Variants in PACSIN2 observed in about 807,000 individuals in gnomAD.
PACSIN2 encodes the protein protein kinase C and casein kinase substrate in neurons 2.
PACSIN2 carries 25 observed loss-of-function variants against 63.8 expected under a neutral mutation model. That is an observed-to-expected ratio of 0.39 (90% CI 0.29 to 0.55). The LOEUF (loss-of-function observed/expected upper bound fraction) is 0.55. PACSIN2 is among the 20% of genes least tolerant of loss of function. The probability of loss-of-function intolerance (pLI) is 0.62; values close to 1 mark genes in which losing one functional copy is unlikely to be tolerated. For synonymous variants in PACSIN2, 255 were observed against 256.2 expected (o/e 1.00, Z 0.05); for missense variants, 518 against 646.9 (o/e 0.80, Z 2.16).
chr22:43,010,774 C>T lies in PACSIN2; in HGVS notation c.-78+4247G>A, dbSNP rs142466719. On this transcript the variant is annotated intron_variant, in intron 1 of 10. Coordinates refer to ENST00000263246, the MANE Select transcript of PACSIN2 (RefSeq NM_001184970.3). Reference sequence around the variant, plus strand: ...AGAAAAAAGACCTTATTCTAGGAAACAAGAAAGACTCTATGGTGCTTTAAG... The same window carrying T: ...AGAAAAAAGACCTTATTCTAGGAAATAAGAAAGACTCTATGGTGCTTTAAG... Among the ~76,000 whole-genome samples, 40 of 152,266 alleles carry T rather than the reference C, an allele frequency of 2.6e-4. No individual in the cohort carries two copies. The South Asian group carries it at 3.7e-3, about 14-fold the overall frequency.
At position 42,888,806 on chromosome 22, in the gene PACSIN2, GA is replaced by G; in HGVS notation, c.454-9del. On this transcript the variant is annotated splice_polypyrimidine_tract_variant and intron_variant, in intron 4 of 10. Transcript: ENST00000263246. ...TTTCTTTGCTGCTTCTACCTACAGG[GA>G]GAATGAGTTCCTGAATGCCATGTCA... 6.2e-7 allele frequency: 1 copy of G among 1,613,938 alleles called. No individual in the cohort carries two copies. Among genetic ancestry groups the G allele is most frequent in the Non-Finnish European group, 8.5e-7 (1 of 1,179,840 alleles).
chr22:42,982,014 C>A (rs1222861250), intron 1 of PACSIN2, among the ~76,000 whole-genome samples: 1 of 114,420 alleles, frequency 8.7e-6, no homozygotes, highest in Non-Finnish European at 1.9e-5. Context: ...GGTCAGCCCC[C>A]CTTCCGGCCG....
rs1928069388 is a variant in PACSIN2 at position 42,871,045 on chromosome 22, C to T, written c.*312G>A. The T allele has an allele frequency of 2.6e-6, 1 of 377,374 alleles. No homozygotes were observed. The allele number at this position is 377,374 out of a possible 1,614,324, so 23.4% of individuals were successfully genotyped here. On this transcript the variant is annotated 3_prime_UTR_variant, in exon 11 of 11. Transcript: ENST00000263246. The surrounding 1 kb of genome is among the most constrained non-coding windows in gnomAD (Gnocchi z 5.4). ...TCAGTGGAACAAGATCAGTGTAACC[C>T]ACCATTGACTCGGAAAGGAGAGACA...
intron 1 of PACSIN2, among the ~76,000 whole-genome samples, chr22:42,990,539 C>T (rs1922972257): frequency 6.6e-6 from 1 of 152,058 alleles, no homozygotes; most frequent in African/African-American, 2.4e-5. Context: ...GGCAAAACAC[C>T]TGGAGGGAGG....
chr22:42,950,737 T>A (rs1933653805), intron 1 of PACSIN2, among the ~76,000 whole-genome samples: 1 of 152,160 alleles, frequency 6.6e-6, no homozygotes, highest in South Asian at 2.1e-4. Flanking sequence ...AGAAAAAAAG[T>A]CCAGATGGCT....
intron 1 of PACSIN2, among the ~76,000 whole-genome samples, chr22:42,944,125 C>T (rs961337261): frequency 7.5e-4 from 114 of 152,334 alleles, no homozygotes; most frequent in African/African-American, 2.5e-3. Flanking sequence ...CTCCTGTCTA[C>T]TGTGTTGTCC....
chr22:42,919,758 G>C (rs958256257), intron 1 of PACSIN2, among the ~76,000 whole-genome samples: 7 of 100,940 alleles, frequency 6.9e-5, no homozygotes, highest in Non-Finnish European at 9.0e-5. Flanking sequence ...GGGTGACAGA[G>C]CAAGAACCTG....
chr22:42,923,915 G>A (rs547379146), intron 1 of PACSIN2, among the ~76,000 whole-genome samples: 36 of 152,162 alleles, frequency 2.4e-4, no homozygotes, highest in Admixed American at 6.5e-4. Flanking sequence ...GGTAGTGCAC[G>A]CCTGTACTCC....
At chr22:42,987,972 C>T (rs1284997866) in intron 1 of PACSIN2, among the ~76,000 whole-genome samples, 1 of 151,976 alleles carries the variant, frequency 6.6e-6, no homozygotes, top group East Asian at 2.0e-4. Context: ...GAAACCCCGT[C>T]TCTACTAAAG....
intron 2 of PACSIN2, among the ~76,000 whole-genome samples, chr22:42,910,048 G>A (rs921611706): frequency 4.6e-5 from 7 of 152,186 alleles, no homozygotes; most frequent in African/African-American, 1.7e-4. Context: ...CTTATAGATT[G>A]GGAAATGAAG....
intron 1 of PACSIN2, among the ~76,000 whole-genome samples, chr22:42,964,516 A>T (rs922858592): frequency 3.3e-5 from 5 of 152,114 alleles, no homozygotes; most frequent in African/African-American, 1.2e-4. Context: ...CGCTCGCCTC[A>T]GTCTTTCCCT....
chr22:43,006,800 A>AGTTT (rs1924120877), intron 1 of PACSIN2, among the ~76,000 whole-genome samples: 1 of 152,124 alleles, frequency 6.6e-6, no homozygotes. Context: ...GGGCGACAAG[A>AGTTT]GCAAAATTCC....
chr22:42,896,695 T>C (rs1279037386), intron 2 of PACSIN2, among the ~76,000 whole-genome samples: 1 of 152,238 alleles, frequency 6.6e-6, no homozygotes, highest in African/African-American at 2.4e-5. Flanking sequence ...GCCGAACTGC[T>C]ACCCAAAGTG....
chr22:42,878,565 G>A (rs1210802599), intron 8 of PACSIN2, among the ~76,000 whole-genome samples: 1 of 152,212 alleles, frequency 6.6e-6, no homozygotes, highest in African/African-American at 2.4e-5. Flanking sequence ...TCCTAGTGAA[G>A]AGGTAATTTG....
chr22:42,891,537 A>C (rs1033298155), intron 3 of PACSIN2, among the ~76,000 whole-genome samples: 2 of 152,046 alleles, frequency 1.3e-5, no homozygotes, highest in East Asian at 3.9e-4. Context: ...AGTAGCTGGG[A>C]TTACAGGTGC....
chr22:42,970,908 G>A (rs544047091), intron 1 of PACSIN2, among the ~76,000 whole-genome samples: 6 of 152,210 alleles, frequency 3.9e-5, no homozygotes, highest in South Asian at 4.1e-4. Flanking sequence ...ACAGCTGTGC[G>A]GTCAGACAGC....
At chr22:42,947,860 GAGA>G (rs1933500053) in intron 1 of PACSIN2, among the ~76,000 whole-genome samples, 2 of 152,232 alleles carry the variant, frequency 1.3e-5, no homozygotes, top group Admixed American at 6.5e-5. Flanking sequence ...ATTGGCCAGG[GAGA>G]AGGTGACTGG....
intron 1 of PACSIN2, among the ~76,000 whole-genome samples, chr22:42,913,591 T>C (rs1175743812): frequency 6.6e-6 from 1 of 151,884 alleles, no homozygotes; most frequent in Non-Finnish European, 1.5e-5. Context: ...CCTTAGTAAG[T>C]GCTACGAACT....
At chr22:42,935,450 T>C (rs542410421) in intron 1 of PACSIN2, among the ~76,000 whole-genome samples, 1 of 152,260 alleles carries the variant, frequency 6.6e-6, no homozygotes, top group East Asian at 1.9e-4. Flanking sequence ...ACTCATGGTC[T>C]TGTCTAGGGT....
Sources: gnomAD v4.1 joint callset for allele counts (sites outside exome capture counted in the v4.1 genomes callset) on GRCh38, gnomAD v4.1.1 for gene constraint, Gnocchi (gnomAD v3.1) non-coding constraint, MANE v1.5 for transcripts, NCBI Gene and HGNC (gene_info 2026-07-23, HGNC 2026-07-21) for gene names.